The following ANKRD30B variants were observed in gnomAD, a reference collection of about 807,000 sequenced individuals.
ANKRD30B encodes ankyrin repeat domain-containing protein 30B.
ANKRD30B carries 144 observed loss-of-function variants against 202.2 expected under a neutral mutation model. That is an observed-to-expected ratio of 0.71 (90% CI 0.62 to 0.82). ANKRD30B has a LOEUF of 0.82. Among genes scored for constraint, ANKRD30B ranks in the 40% least tolerant of loss-of-function variants. The pLI, the probability that ANKRD30B is intolerant of heterozygous loss-of-function variation, is 0.00. For missense variants in ANKRD30B, 1,487 were observed against 1,669.1 expected, an observed-to-expected ratio of 0.89 and a Z score of 1.90; for synonymous variants, 508 against 561.3, an observed-to-expected ratio of 0.91 and a Z score of 1.34.
chr18:14,842,840 G>C (rs1180502828), intron 37 of ANKRD30B, 57 bp from the exon 38 acceptor site: 1 of 1,513,544 alleles, frequency 6.6e-7, no homozygotes, highest in South Asian at 1.2e-5. Context: ...GGATTCATTT[G>C]TGGCTGGTTT....
chr18:14,793,618 G>T (rs1435939297), intron 16 of ANKRD30B, among the ~76,000 whole-genome samples: 2 of 152,064 alleles, frequency 1.3e-5, no homozygotes, highest in Non-Finnish European at 2.9e-5. Flanking sequence ...TTTCAGGCCA[G>T]GCGTGGTGAC....
chr18:14,792,495 C>T (rs1337452047), intron 16 of ANKRD30B, among the ~76,000 whole-genome samples: 1 of 151,920 alleles, frequency 6.6e-6, no homozygotes. Flanking sequence ...ATTACTTTTG[C>T]TAAAGAAGAG....
chr18:14,860,716 T>G, the ANKRD30B span, among the ~76,000 whole-genome samples: 3 of 152,006 alleles, frequency 2.0e-5, no homozygotes, highest in Non-Finnish European at 1.5e-5. Flanking sequence ...ATAATTTTTT[T>G]TTTTTGGAGA....
At chr18:14,752,306 A>G (rs1249759146) in intron 1 of ANKRD30B, among the ~76,000 whole-genome samples, 2 of 152,208 alleles carry the variant, frequency 1.3e-5, no homozygotes, top group African/African-American at 4.8e-5. Flanking sequence ...ACAGCTAGAA[A>G]GTGAAAGACC....
chr18:14,916,982 A>G, the ANKRD30B span, among the ~76,000 whole-genome samples: 1 of 152,128 alleles, frequency 6.6e-6, no homozygotes, highest in African/African-American at 2.4e-5. Context: ...AAATCCAGAA[A>G]TTCAACTGTT....
Position 14,852,140 on chromosome 18 carries a change from A to G in ANKRD30B, c.4196A>G (p.His1399Arg). 6.3e-7 allele frequency: 1 copy of G among 1,596,488 alleles called. No homozygotes were observed. The highest frequency in any genetic ancestry group is 2.3e-5 in the East Asian group (1 of 42,850). ...CAGTGTCAAATGAAGAAAGCTGAACACATGTATCAAAATGAACAAGATAAT... is the reference window on the plus strand; with the variant it reads ...CAGTGTCAAATGAAGAAAGCTGAACGCATGTATCAAAATGAACAAGATAAT... The part of the protein sequence containing the change: ...ETQCQMKKAE[H>R]MYQNEQDNVD... Residue 1399 changes from histidine to arginine, a missense_variant, in exon 42 of 44, where the codon CAC becomes CGC. Coordinates refer to ENST00000690538, the MANE Select transcript of ANKRD30B (RefSeq NM_001367607.2).
Position 14,763,828 on chromosome 18 carries a change from G to A in ANKRD30B, c.963G>A (p.Gly321=). 1 of 1,613,530 alleles carries A rather than the reference G, an allele frequency of 6.2e-7. No homozygotes were observed. Among genetic ancestry groups the A allele is most frequent in the Non-Finnish European group, 8.5e-7 (1 of 1,179,760 alleles). ...EGTSAKIQCL[G]KATSGKFEQS... ...CGTCTGCCAAAATTCAATGTCTGGG[G>A]AAAGCAACATCTGGAAAGTTTGAAC... The change falls in exon 7 of 44, where the codon GGG becomes GGA. Residue 321 remains glycine, a synonymous_variant. Transcript: ENST00000690538.
chr18:14,855,159 C>G (rs1332782186), downstream of ANKRD30B, among the ~76,000 whole-genome samples: 1 of 152,186 alleles, frequency 6.6e-6, no homozygotes, highest in Non-Finnish European at 1.5e-5. Flanking sequence ...CCATCTTGCA[C>G]CGCCCTTAAT....
intron 8 of ANKRD30B, among the ~76,000 whole-genome samples, chr18:14,769,937 A>G (rs544889281): frequency 1.3e-5 from 2 of 152,368 alleles, no homozygotes; most frequent in South Asian, 4.1e-4. Flanking sequence ...TAAGAAGACC[A>G]GGTAAATCTA....
intron 28 of ANKRD30B, among the ~76,000 whole-genome samples, chr18:14,810,411 C>T (rs1013645722): frequency 1.3e-5 from 2 of 151,008 alleles, no homozygotes; most frequent in African/African-American, 4.9e-5. Flanking sequence ...CTTTAATATC[C>T]CGATAGTGTA....
At chr18:14,827,550 G>A (rs1163513047) in intron 32 of ANKRD30B, among the ~76,000 whole-genome samples, 2 of 151,988 alleles carry the variant, frequency 1.3e-5, no homozygotes, top group Non-Finnish European at 2.9e-5. Flanking sequence ...CTTATTTGTT[G>A]GTGGAGAAAA....
intron 30 of ANKRD30B, chr18:14,816,082 A>T (rs1970086001): frequency 1.3e-5 from 2 of 152,204 alleles, no homozygotes. Context: ...GAACATGGTG[A>T]ATATTTGTAA....
rs766109130 is a variant in ANKRD30B at position 14,763,992 on chromosome 18, C to T, written c.1127C>T (p.Ala376Val). The change falls in exon 7 of 44, where the codon GCA becomes GTA. Residue 376 changes from alanine (A) to valine (V), a missense_variant. This residue lies in a region of ANKRD30B where 889 missense variants were observed against 841.4 expected (regional missense o/e 1.06). Coordinates refer to ENST00000690538, the MANE Select transcript of ANKRD30B (RefSeq NM_001367607.2). Reference sequence around the variant, plus strand: ...ACATCTGTAAAGACTGAATGCGTGGCAGGAGTAACACCTAATAAAACTGAA... The same window carrying T: ...ACATCTGTAAAGACTGAATGCGTGGTAGGAGTAACACCTAATAAAACTGAA... ...KETSVKTECV[A>V]GVTPNKTEVL... is the part of the protein sequence containing the mutation. 1.2e-5 allele frequency: 19 copies of T among 1,588,954 alleles called. No individual in the cohort carries two copies. The South Asian group carries it at 2.2e-4, about 18-fold the overall frequency.
At chr18:14,867,597 C>T in the ANKRD30B span, among the ~76,000 whole-genome samples, 1 of 152,172 alleles carries the variant, frequency 6.6e-6, no homozygotes, top group African/African-American at 2.4e-5. Flanking sequence ...GAGCCCCAGG[C>T]ATGGAGTAGT....
chr18:14,769,906 A>G (rs1916845284), intron 8 of ANKRD30B, among the ~76,000 whole-genome samples: 1 of 152,226 alleles, frequency 6.6e-6, no homozygotes, highest in African/African-American at 2.4e-5. Context: ...CTGTGGCCAC[A>G]AGACATAGGC....
chr18:14,850,142 G>A (rs1971821511), intron 40 of ANKRD30B, 72 bp from the exon 41 acceptor site: 2 of 1,069,592 alleles, frequency 1.9e-6, no homozygotes, highest in Non-Finnish European at 2.6e-6. Context: ...ACCAGTATAG[G>A]AAGAAGTAGA....
chr18:14,846,400 A>G (rs1025661040), intron 39 of ANKRD30B, among the ~76,000 whole-genome samples: 2 of 151,512 alleles, frequency 1.3e-5, no homozygotes, highest in Non-Finnish European at 3.0e-5. Context: ...ATCCTTCTTA[A>G]TCCTTTTACT....
At chr18:14,818,882 T>TG (rs1315816920) in intron 30 of ANKRD30B, among the ~76,000 whole-genome samples, 34 of 151,912 alleles carry the variant, frequency 2.2e-4, no homozygotes, top group Non-Finnish European at 4.0e-4. Flanking sequence ...TACCCAGTAA[T>TG]GGGATGGCTG....
the ANKRD30B span, among the ~76,000 whole-genome samples, chr18:14,935,294 G>A: frequency 1.3e-5 from 2 of 152,222 alleles, no homozygotes; most frequent in African/African-American, 4.8e-5. Context: ...GAGCTTTCCA[G>A]CTAGTTAGCT....
Sources: allele counts gnomAD v4.1 joint callset (sites outside exome capture counted in the v4.1 genomes callset), GRCh38; gene constraint gnomAD v4.1.1; regional missense constraint gnomAD v4.1.1; transcripts MANE v1.5; gene names NCBI Gene and HGNC (gene_info 2026-07-23, HGNC 2026-07-21).